Variants in B3GALT1 observed in about 807,000 individuals in gnomAD.
The protein encoded by B3GALT1 is beta-1,3-galactosyltransferase 1, also known as UDP-Gal:betaGlcNAc beta 1,3-galactosyltransferase, polypeptide 1.
Under a neutral mutation model 23.2 loss-of-function variants are expected in B3GALT1, and 10 were observed. The observed-to-expected ratio is 0.43, with a 90% CI of 0.27 to 0.73. B3GALT1 has a LOEUF of 0.73. Among genes scored for constraint, B3GALT1 ranks in the 30% least tolerant of loss-of-function variants. The pLI is 0.21. For missense variants in B3GALT1, 299 were observed against 405.4 expected (o/e 0.74, Z 2.25); for synonymous variants, 156 against 141.5 (o/e 1.10, Z -0.73).
At chr2:167,654,906 C>G (rs1412727003) in intron 3 of B3GALT1, among the ~76,000 whole-genome samples, 1 of 151,454 alleles carries the variant, frequency 6.6e-6, no homozygotes, top group Non-Finnish European at 1.5e-5. Flanking sequence ...CCCACTAAAT[C>G]AGTAGTTAGT....
At chr2:167,429,968 C>A (rs1469797322) in intron 1 of B3GALT1, among the ~76,000 whole-genome samples, 4 of 152,164 alleles carry the variant, frequency 2.6e-5, no homozygotes, top group Non-Finnish European at 5.9e-5. Flanking sequence ...CAAAACAGAT[C>A]AAAATCCCTG....
At chr2:167,514,297 A>G (rs2105356946) in intron 2 of B3GALT1, among the ~76,000 whole-genome samples, 1 of 152,340 alleles carries the variant, frequency 6.6e-6, no homozygotes, top group East Asian at 1.9e-4. Flanking sequence ...TTTAAAGAGG[A>G]TCTCGATTAT....
chr2:167,367,936 G>C (rs541403224), intron 1 of B3GALT1, among the ~76,000 whole-genome samples: 2 of 152,300 alleles, frequency 1.3e-5, no homozygotes, highest in South Asian at 4.1e-4. Context: ...AAAAGCAAGA[G>C]TTTTCCAATT....
intron 1 of B3GALT1, among the ~76,000 whole-genome samples, chr2:167,371,252 T>A (rs1281931569): frequency 2.6e-5 from 4 of 152,138 alleles, no homozygotes; most frequent in Admixed American, 2.6e-4. Flanking sequence ...CTCAAAAATA[T>A]TTCTCAAATG....
chr2:167,549,208 T>C (rs1683703130), intron 2 of B3GALT1, among the ~76,000 whole-genome samples: 1 of 152,230 alleles, frequency 6.6e-6, no homozygotes, highest in Non-Finnish European at 1.5e-5. Context: ...GCAATGCACG[T>C]ATGTATGTTG....
Position 167,870,085 on chromosome 2 carries a change from T to C in B3GALT1, c.*65T>C. 6.9e-7 allele frequency: 1 copy of C among 1,457,214 alleles called. No individual in the cohort carries two copies. The highest frequency in any genetic ancestry group is 9.2e-7 in the Non-Finnish European group (1 of 1,089,016). The allele number at this position is 1,457,214 out of a possible 1,614,324, so 90.3% of individuals were successfully genotyped here. On this transcript the variant is annotated 3_prime_UTR_variant, in exon 5 of 5. Coordinates refer to ENST00000392690, the MANE Select transcript of B3GALT1 (RefSeq NM_020981.4). ...AGAAATGGGACCTAAGGTGTTGGTA[T>C]TTTCCAGGTGTCGGGGGAAATGAAC...
chr2:167,590,081 T>G (rs913427769), intron 2 of B3GALT1, among the ~76,000 whole-genome samples: 4 of 152,120 alleles, frequency 2.6e-5, no homozygotes, highest in Non-Finnish European at 5.9e-5. Flanking sequence ...GCGCGGTGAC[T>G]CACGCCTGTA....
chr2:167,672,129 G>C (rs1473057908), intron 3 of B3GALT1, among the ~76,000 whole-genome samples: 1 of 151,966 alleles, frequency 6.6e-6, no homozygotes, highest in African/African-American at 2.4e-5. Context: ...TAATGTATTT[G>C]AAAAATTTTA....
At chr2:167,641,568 G>A (rs902393028) in intron 2 of B3GALT1, among the ~76,000 whole-genome samples, 2 of 152,204 alleles carry the variant, frequency 1.3e-5, no homozygotes, top group Non-Finnish European at 2.9e-5. Context: ...CATGTTAGCT[G>A]CTATTATTTT....
At chr2:167,691,708 G>A (rs1465316086) in intron 3 of B3GALT1, among the ~76,000 whole-genome samples, 4 of 152,112 alleles carry the variant, frequency 2.6e-5, no homozygotes, top group African/African-American at 9.7e-5. Context: ...AGAATATTCA[G>A]TTCTTCTATG....
chr2:167,774,366 T>G (rs571807973), intron 3 of B3GALT1, among the ~76,000 whole-genome samples: 1 of 152,224 alleles, frequency 6.6e-6, no homozygotes, highest in South Asian at 2.1e-4. Flanking sequence ...GATTGAAGAA[T>G]CATTTTCTTT....
chr2:167,340,335 A>AAAC lies in B3GALT1; in HGVS notation c.-511+47001_-511+47002insAAC, dbSNP rs1553513212. 2.6e-4 allele frequency among the ~76,000 whole-genome samples: 36 copies of AAAC among 140,662 alleles called. 10 individuals are homozygous for AAAC. The highest frequency in any genetic ancestry group is 4.2e-4 in the Admixed American group (6 of 14,268). 92.3% of individuals were successfully genotyped at this position (140,662 alleles called of 152,430 possible). ...GGAGAAAAAAAAAAAAAAAAAAAAA[A>AAAC]CAGAGCTTTTGGCAATGGAACAAGG... On this transcript the variant is annotated intron_variant, in intron 1 of 4. Coordinates refer to ENST00000392690, the MANE Select transcript of B3GALT1 (RefSeq NM_020981.4).
chr2:167,764,922 G>A (rs768458674), intron 3 of B3GALT1, among the ~76,000 whole-genome samples: 5 of 152,048 alleles, frequency 3.3e-5, no homozygotes, highest in Admixed American at 6.6e-5. Context: ...AAGGAGGTTC[G>A]GGATAGGGTA....
chr2:167,766,144 A>G (rs1337315282), intron 3 of B3GALT1, among the ~76,000 whole-genome samples: 1 of 152,230 alleles, frequency 6.6e-6, no homozygotes, highest in Non-Finnish European at 1.5e-5. Flanking sequence ...CAAGGAAGAA[A>G]GAGTCACATG....
At chr2:167,795,373 G>T (rs964152472) in intron 3 of B3GALT1, among the ~76,000 whole-genome samples, 1 of 152,190 alleles carries the variant, frequency 6.6e-6, no homozygotes, top group Admixed American at 6.5e-5. Flanking sequence ...ATTGGGAAAA[G>T]CCACAGAATA....
chr2:167,327,598 T>A (rs1411782471), intron 1 of B3GALT1, among the ~76,000 whole-genome samples: 1 of 152,168 alleles, frequency 6.6e-6, no homozygotes, highest in African/African-American at 2.4e-5. Flanking sequence ...ACTGAATTTG[T>A]TTATCAACTC....
intron 1 of B3GALT1, among the ~76,000 whole-genome samples, chr2:167,398,717 T>C (rs974206256): frequency 6.6e-6 from 1 of 152,094 alleles, no homozygotes; most frequent in African/African-American, 2.4e-5. Flanking sequence ...CTGCTCAGAG[T>C]ATCATTCACT....
intron 3 of B3GALT1, among the ~76,000 whole-genome samples, chr2:167,737,318 A>G (rs557293736): frequency 6.6e-6 from 1 of 152,366 alleles, no homozygotes; most frequent in Admixed American, 6.5e-5. Flanking sequence ...ATAACTAAAA[A>G]GAGCTTGACT....
At chr2:167,567,809 T>C (rs1009343364) in intron 2 of B3GALT1, among the ~76,000 whole-genome samples, 1 of 152,162 alleles carries the variant, frequency 6.6e-6, no homozygotes, top group Non-Finnish European at 1.5e-5. Flanking sequence ...TTTAGACACA[T>C]GTACAATGAC....
Sources: allele counts gnomAD v4.1 joint callset (sites outside exome capture counted in the v4.1 genomes callset), GRCh38; gene constraint gnomAD v4.1.1; transcripts MANE v1.5; gene names NCBI Gene and HGNC (gene_info 2026-07-23, HGNC 2026-07-21).